Variants in CSMD1 observed in about 807,000 individuals in gnomAD.
The protein encoded by CSMD1 is CUB and sushi domain-containing protein 1.
CSMD1 carries 213 observed loss-of-function variants against 417.5 expected under a neutral mutation model. That is an observed-to-expected ratio of 0.51 (90% CI 0.46 to 0.57). CSMD1 has a LOEUF of 0.57. Ranked by LOEUF, CSMD1 falls within the 20% of genes least tolerant of loss-of-function variation. The pLI, the probability that CSMD1 is intolerant of heterozygous loss-of-function variation, is 0.00. For synonymous variants in CSMD1, 2,862 were observed against 1,736.8 expected (o/e 1.65, Z -16.11); for missense variants, 6,923 against 4,529.7 (o/e 1.53, Z -15.17).
intron 2 of CSMD1, among the ~76,000 whole-genome samples, chr8:4,490,982 A>G (rs186480798): frequency 5.3e-4 from 80 of 152,290 alleles, no homozygotes; most frequent in African/African-American, 1.8e-3. Context: ...CACAGGGAGG[A>G]GTTCACAGGC....
chr8:4,649,761 C>T (rs1438651796), intron 1 of CSMD1, among the ~76,000 whole-genome samples: 2 of 152,214 alleles, frequency 1.3e-5, no homozygotes, highest in African/African-American at 2.4e-5. Flanking sequence ...TTTGTGTAGG[C>T]ATTTCAGAAA....
At chr8:4,703,124 T>A (rs1396991089) in intron 1 of CSMD1, among the ~76,000 whole-genome samples, 1 of 152,200 alleles carries the variant, frequency 6.6e-6, no homozygotes, top group Non-Finnish European at 1.5e-5. Flanking sequence ...TAATATTTAA[T>A]TAGATGCAAT....
intron 3 of CSMD1, among the ~76,000 whole-genome samples, chr8:4,222,680 C>CTATTCAGTTAT (rs1554499024): frequency 1.3e-5 from 2 of 152,096 alleles, no homozygotes; most frequent in Admixed American, 1.3e-4. Flanking sequence ...AGTAACACAA[C>CTATTCAGTTAT]TATTCAGTTA....
chr8:4,034,636 CGTT>C (rs1326303221), intron 3 of CSMD1, among the ~76,000 whole-genome samples: 1 of 151,944 alleles, frequency 6.6e-6, no homozygotes, highest in Admixed American at 6.6e-5. Context: ...CAAAGACACA[CGTT>C]GTATAGCCAC....
chr8:4,048,123 C>A (rs1234075486), intron 3 of CSMD1, among the ~76,000 whole-genome samples: 1 of 152,146 alleles, frequency 6.6e-6, no homozygotes, highest in Non-Finnish European at 1.5e-5. Context: ...GATTTCTAAA[C>A]ATACTTGCCT....
At chr8:3,709,231 T>C (rs968187258) in intron 6 of CSMD1, among the ~76,000 whole-genome samples, 2 of 152,014 alleles carry the variant, frequency 1.3e-5, no homozygotes, top group Non-Finnish European at 2.9e-5. Flanking sequence ...GTTATGATCT[T>C]CTAAGCTATC....
At chr8:3,094,575 C>G (rs911592224) in intron 47 of CSMD1, among the ~76,000 whole-genome samples, 3 of 152,066 alleles carry the variant, frequency 2.0e-5, no homozygotes, top group Non-Finnish European at 4.4e-5. Flanking sequence ...TTTCTGTTAC[C>G]AAAATGGAAA....
chr8:4,819,772 T>C (rs755483808), intron 1 of CSMD1, among the ~76,000 whole-genome samples: 1 of 152,048 alleles, frequency 6.6e-6, no homozygotes, highest in African/African-American at 2.4e-5. Context: ...TGCTTTTCCA[T>C]GAAACAGGAG....
intron 38 of CSMD1, among the ~76,000 whole-genome samples, chr8:3,160,333 G>A (rs949421154): frequency 6.6e-6 from 1 of 152,062 alleles, no homozygotes; most frequent in African/African-American, 2.4e-5. Flanking sequence ...GTGTTGCCCA[G>A]GCTGGTCTCA....
intron 3 of CSMD1, among the ~76,000 whole-genome samples, chr8:4,079,482 G>A (rs760770160): frequency 6.6e-6 from 1 of 152,146 alleles, no homozygotes; most frequent in Non-Finnish European, 1.5e-5. Flanking sequence ...CATAAAGCAT[G>A]CAAATTATTA....
intron 7 of CSMD1, among the ~76,000 whole-genome samples, chr8:3,638,172 T>A (rs986558704): frequency 6.6e-6 from 1 of 152,150 alleles, no homozygotes; most frequent in East Asian, 1.9e-4. Context: ...TTCCTTCCAA[T>A]ATTTTACTTC....
intron 2 of CSMD1, among the ~76,000 whole-genome samples, chr8:4,487,639 C>A (rs1195433761): frequency 1.3e-5 from 2 of 151,982 alleles, no homozygotes; most frequent in Admixed American, 1.3e-4. Context: ...TAAGGCACAC[C>A]CTTGATTTTG....
intron 2 of CSMD1, among the ~76,000 whole-genome samples, chr8:4,477,239 T>G (rs1038297983): frequency 1.3e-5 from 2 of 152,174 alleles, no homozygotes; most frequent in Non-Finnish European, 2.9e-5. Context: ...CAGAGCTACC[T>G]AGGGCTAGAG....
chr8:3,007,688 G>A (rs1175484518), intron 52 of CSMD1, among the ~76,000 whole-genome samples: 12 of 148,154 alleles, frequency 8.1e-5, no homozygotes, highest in African/African-American at 2.5e-4. Context: ...ACCAAACACC[G>A]CATATTCTCA....
At chr8:3,797,119 T>C (rs538923639) in intron 5 of CSMD1, among the ~76,000 whole-genome samples, 2 of 152,006 alleles carry the variant, frequency 1.3e-5, no homozygotes, top group African/African-American at 4.8e-5. Flanking sequence ...CATAAGTAAA[T>C]AATGAAGTAT....
chr8:3,077,607 C>T (rs1247272640), intron 49 of CSMD1, among the ~76,000 whole-genome samples: 1 of 152,230 alleles, frequency 6.6e-6, no homozygotes, highest in East Asian at 1.9e-4. Flanking sequence ...TCAGCTATCT[C>T]TACCTTAAGA....
chr8:4,607,630 A>AT (rs71209108), intron 2 of CSMD1, among the ~76,000 whole-genome samples: 1 of 152,154 alleles, frequency 6.6e-6, no homozygotes, highest in Non-Finnish European at 1.5e-5. Context: ...GGCGCCAGCC[A>AT]TTTTTTGGTG....
chr8:3,476,433 T>G (rs751979937), intron 11 of CSMD1, among the ~76,000 whole-genome samples: 4 of 152,128 alleles, frequency 2.6e-5, no homozygotes, highest in Non-Finnish European at 5.9e-5. Context: ...GGTATAAAAT[T>G]TTTCTAGGGT....
At chr8:3,710,058 T>C (rs571222696) in intron 6 of CSMD1, among the ~76,000 whole-genome samples, 1 of 152,144 alleles carries the variant, frequency 6.6e-6, no homozygotes, top group Admixed American at 6.5e-5. Flanking sequence ...ACCAATAACA[T>C]AAACAGTTAC....
Sources: allele counts gnomAD v4.1 joint callset (sites outside exome capture counted in the v4.1 genomes callset), GRCh38; gene constraint gnomAD v4.1.1; transcripts MANE v1.5; gene names NCBI Gene and HGNC (gene_info 2026-07-23, HGNC 2026-07-21).